NELL2: variants seen among roughly 807,000 people sequenced by gnomAD.
The protein encoded by NELL2 is protein kinase C-binding protein NELL2.
Under a neutral mutation model 109.6 loss-of-function variants are expected in NELL2, and 41 were observed. That is an observed-to-expected ratio of 0.37 (90% CI 0.29 to 0.49). The LOEUF is 0.49. NELL2 is among the 20% of genes least tolerant of loss of function. The probability of loss-of-function intolerance (pLI) is 0.98; values close to 1 mark genes in which losing one functional copy is unlikely to be tolerated. For missense variants in NELL2, 900 were observed against 1,008.3 expected (o/e 0.89, Z 1.45); for synonymous variants, 355 against 344.7 (o/e 1.03, Z -0.33).
At chr12:44,541,257 A>AAG (rs1380975531) in intron 15 of NELL2, among the ~76,000 whole-genome samples, 1 of 150,266 alleles carries the variant, frequency 6.7e-6, no homozygotes, top group Non-Finnish European at 1.5e-5. Flanking sequence ...TCTCAAAAAA[A>AAG]AAAAAAAAAG....
intron 18 of NELL2, among the ~76,000 whole-genome samples, chr12:44,520,799 G>A (rs1479902268): frequency 6.6e-6 from 1 of 151,984 alleles, no homozygotes; most frequent in African/African-American, 2.4e-5. Flanking sequence ...CAGGAAAATT[G>A]TGTGAATTGG....
At position 44,822,655 on chromosome 12, in the gene NELL2, T is replaced by C. The variant is rs562464219; in HGVS notation, c.185-6519A>G. On this transcript the variant is annotated intron_variant, in intron 2 of 19. Transcript: ENST00000429094. ...CCTATGCTGCATGGGAGCTTTTTAA[T>C]TGGAGAACTGCTTGAGTTTAAATGT... Among the ~76,000 whole-genome samples the C allele has an allele frequency of 1.3e-3, 197 of 152,324 alleles. 1 individual carries two copies. Among genetic ancestry groups the C allele is most frequent in the African/African-American group, 4.6e-3 (190 of 41,572 alleles).
intron 15 of NELL2, among the ~76,000 whole-genome samples, chr12:44,542,811 G>A (rs145890701): frequency 2.0e-5 from 3 of 152,154 alleles, no homozygotes; most frequent in Non-Finnish European, 2.9e-5. Flanking sequence ...CTGCACAGAT[G>A]GGGGAGGAGT....
At chr12:44,704,911 C>T (rs1460020789) in intron 11 of NELL2, among the ~76,000 whole-genome samples, 1 of 151,184 alleles carries the variant, frequency 6.6e-6, no homozygotes, top group Non-Finnish European at 1.5e-5. Flanking sequence ...CCCAGTTACT[C>T]TGGAGGCTGA....
intron 1 of NELL2, among the ~76,000 whole-genome samples, chr12:44,896,696 A>T (rs1945596839): frequency 6.6e-6 from 1 of 152,254 alleles, no homozygotes; most frequent in Non-Finnish European, 1.5e-5. Context: ...GTGGAAGACC[A>T]GAGAAATTTT....
rs539233283 is a variant in NELL2 at position 44,660,584 on chromosome 12, T to C, written c.1444+4900A>G. 3.3e-5 allele frequency among the ~76,000 whole-genome samples: 5 copies of C among 152,282 alleles called. No individual in the cohort carries two copies. In the East Asian group the frequency reaches 5.8e-4, roughly 18 times the overall value. On this transcript the variant is annotated intron_variant, in intron 13 of 19. Coordinates refer to ENST00000429094, the MANE Select transcript of NELL2 (RefSeq NM_001145108.2). ...TCAAGTATCCTTTGTCAGGTGGGAA[T>C]GCACAATTGACAACCACTACCCTAA...
At chr12:44,804,701 T>C (rs1253496456) in intron 3 of NELL2, among the ~76,000 whole-genome samples, 2 of 151,908 alleles carry the variant, frequency 1.3e-5, no homozygotes, top group Non-Finnish European at 2.9e-5. Flanking sequence ...AGATGTATTG[T>C]AATGCCAAAG....
chr12:44,905,419 G>A (rs2710440), intron 1 of NELL2, among the ~76,000 whole-genome samples: 5,280 of 151,818 alleles, frequency 0.035, 197 homozygotes, highest in African/African-American at 0.085. Context: ...AGTTCTTGTA[G>A]CTGTTTATTA....
intron 9 of NELL2, among the ~76,000 whole-genome samples, chr12:44,754,558 G>C (rs1000108114): frequency 1.3e-5 from 2 of 152,074 alleles, no homozygotes; most frequent in Non-Finnish European, 2.9e-5. Context: ...CTAGACCACA[G>C]TCCTTATGAT....
intron 13 of NELL2, among the ~76,000 whole-genome samples, chr12:44,630,554 C>T (rs894331822): frequency 6.6e-5 from 10 of 152,152 alleles, no homozygotes; most frequent in African/African-American, 1.2e-4. Context: ...CACTGTGGAT[C>T]GAATTAACAG....
Position 44,596,583 on chromosome 12 carries a change from G to GA in NELL2, c.1663+10585_1663+10586insT, listed in dbSNP as rs1592178414. Among the ~76,000 whole-genome samples the GA allele has an allele frequency of 2.0e-5, 3 of 151,380 alleles. No homozygotes were observed. In the East Asian group the frequency reaches 5.8e-4, roughly 29 times the overall value. On this transcript the variant is annotated intron_variant, in intron 15 of 19. Coordinates refer to ENST00000429094, the MANE Select transcript of NELL2 (RefSeq NM_001145108.2). ...TTCTCTCAACAATGTCATGAAACAG[G>GA]TTTTTTTTTCTTCTTTAAACTACTA... is the stretch of plus-strand genomic sequence containing the variant.
intron 2 of NELL2, among the ~76,000 whole-genome samples, chr12:44,848,744 C>T (rs1944448074): frequency 6.6e-6 from 1 of 152,140 alleles, no homozygotes. Context: ...CACTACTTCA[C>T]ATCTAAAAAG....
At chr12:44,598,826 G>C (rs543713746) in intron 15 of NELL2, among the ~76,000 whole-genome samples, 6 of 147,358 alleles carry the variant, frequency 4.1e-5, no homozygotes, top group African/African-American at 1.5e-4. Flanking sequence ...TGGAAGGCCT[G>C]CCCCTCAGTT....
Position 44,661,356 on chromosome 12 carries a change from C to T in NELL2, c.1444+4128G>A, listed in dbSNP as rs182242021. ...TCTTGCAAGTGTACTTTCTTTCTTG[C>T]ACTAAAACTTTTTAATAAACTTCCA... On this transcript the variant is annotated intron_variant, in intron 13 of 19. Coordinates refer to ENST00000429094, the MANE Select transcript of NELL2 (RefSeq NM_001145108.2). Among the ~76,000 whole-genome samples, 477 of 152,302 alleles carry T rather than the reference C, an allele frequency of 3.1e-3. 3 individuals carry two copies. Among genetic ancestry groups the T allele is most frequent in the Middle Eastern group, 6.8e-3 (2 of 294 alleles).
At chr12:44,738,131 A>T (rs1939750014) in intron 9 of NELL2, among the ~76,000 whole-genome samples, 1 of 152,154 alleles carries the variant, frequency 6.6e-6, no homozygotes, top group Non-Finnish European at 1.5e-5. Flanking sequence ...CTAACACGGC[A>T]CTCAGCCATT....
intron 13 of NELL2, among the ~76,000 whole-genome samples, chr12:44,613,064 TC>T (rs1009840953): frequency 8.6e-5 from 13 of 152,018 alleles, no homozygotes; most frequent in African/African-American, 3.1e-4. Context: ...ATATATATGT[TC>T]CCTGTGACTG....
At chr12:44,733,129 C>T (rs1408641844) in intron 9 of NELL2, among the ~76,000 whole-genome samples, 1 of 151,938 alleles carries the variant, frequency 6.6e-6, no homozygotes, top group East Asian at 1.9e-4. Context: ...TGTGCAGACT[C>T]CACAGAAAAC....
chr12:44,567,235 CT>C (rs1943697401), intron 15 of NELL2, among the ~76,000 whole-genome samples: 1 of 152,168 alleles, frequency 6.6e-6, no homozygotes, highest in Admixed American at 6.5e-5. Context: ...TAACTCCATC[CT>C]CATTTCTCAA....
chr12:44,892,483 T>C (rs74238388), intron 1 of NELL2, among the ~76,000 whole-genome samples: 1,597 of 152,266 alleles, frequency 0.01, 30 homozygotes, highest in East Asian at 0.048. Context: ...GTAAATCTTC[T>C]TCTTATCAAA....
Sources: gnomAD v4.1 joint callset for allele counts (sites outside exome capture counted in the v4.1 genomes callset) on GRCh38, gnomAD v4.1.1 for gene constraint, MANE v1.5 for transcripts, NCBI Gene and HGNC (gene_info 2026-07-23, HGNC 2026-07-21) for gene names.